The following CACNA2D1 variants were observed in gnomAD, a reference collection of about 807,000 sequenced individuals.
CACNA2D1 encodes the protein voltage-dependent calcium channel subunit alpha-2/delta-1.
Under a neutral mutation model 171.5 loss-of-function variants are expected in CACNA2D1, and 53 were observed. The ratio of observed to expected loss-of-function variants is 0.31; its 90% CI spans 0.25 to 0.39. CACNA2D1 has a LOEUF of 0.39. Ranked by LOEUF, CACNA2D1 falls within the 10% of genes least tolerant of loss-of-function variation. CACNA2D1 has a pLI of 1.00. For synonymous variants in CACNA2D1, 442 were observed against 443.1 expected (o/e 1.00, Z 0.03); for missense variants, 903 against 1,299.8 (o/e 0.69, Z 4.69).
At chr7:82,343,575 TA>T (rs1818921924) in intron 2 of CACNA2D1, among the ~76,000 whole-genome samples, 1 of 152,206 alleles carries the variant, frequency 6.6e-6, no homozygotes, top group African/African-American at 2.4e-5. Flanking sequence ...AGTTCATGTT[TA>T]AGAATACTTA....
chr7:82,257,228 C>T (rs1381740213), intron 3 of CACNA2D1, among the ~76,000 whole-genome samples: 1 of 152,184 alleles, frequency 6.6e-6, no homozygotes, highest in Non-Finnish European at 1.5e-5. Context: ...TTACATAAGG[C>T]ATTTCAGCTG....
chr7:81,974,107 G>A (rs544997452), intron 25 of CACNA2D1, among the ~76,000 whole-genome samples: 24 of 151,938 alleles, frequency 1.6e-4, no homozygotes, highest in Admixed American at 8.5e-4. Context: ...TTATAAAAAT[G>A]TACGTTTTCC....
chr7:82,186,219 A>AGGGAG (rs1797728652), intron 3 of CACNA2D1, among the ~76,000 whole-genome samples: 13 of 75,016 alleles, frequency 1.7e-4, no homozygotes, highest in Admixed American at 2.9e-4. Flanking sequence ...GAGGGAGGGA[A>AGGGAG]AGAGAGAGAG....
At chr7:82,192,216 A>C (rs1798368648) in intron 3 of CACNA2D1, among the ~76,000 whole-genome samples, 2 of 151,706 alleles carry the variant, frequency 1.3e-5, no homozygotes, top group African/African-American at 4.8e-5. Flanking sequence ...TTTCATATTC[A>C]GTAAGATTCC....
At chr7:82,078,843 A>G (rs1281907042) in intron 7 of CACNA2D1, among the ~76,000 whole-genome samples, 2 of 152,178 alleles carry the variant, frequency 1.3e-5, no homozygotes, top group Admixed American at 6.5e-5. Flanking sequence ...AGAACTCCTC[A>G]TAGTCTACCT....
At chr7:81,976,128 T>C (rs1203696159) in intron 24 of CACNA2D1, among the ~76,000 whole-genome samples, 2 of 152,110 alleles carry the variant, frequency 1.3e-5, no homozygotes, top group East Asian at 1.9e-4. Flanking sequence ...TTAAAAGACA[T>C]GCACTCAAGG....
intron 24 of CACNA2D1, among the ~76,000 whole-genome samples, chr7:81,982,061 T>C (rs1796494978): frequency 1.3e-5 from 2 of 152,202 alleles, no homozygotes; most frequent in South Asian, 4.1e-4. Context: ...GCACTGTTTG[T>C]TCTACAAGAG....
intron 4 of CACNA2D1, among the ~76,000 whole-genome samples, chr7:82,145,346 T>A (rs1221482835): frequency 6.9e-6 from 1 of 144,910 alleles, no homozygotes; most frequent in Non-Finnish European, 1.5e-5. Flanking sequence ...TAATATATAA[T>A]TTATATATTA....
At position 82,072,635 on chromosome 7, in the gene CACNA2D1, G is replaced by T. The variant is rs191812974; in HGVS notation, c.659-6111C>A. Among the ~76,000 whole-genome samples the T allele has an allele frequency of 1.5e-3, 222 of 151,560 alleles. 1 individual carries two copies. The highest frequency in any genetic ancestry group is 5.2e-3 in the African/African-American group (214 of 41,348). On this transcript the variant is annotated intron_variant, in intron 7 of 38. Coordinates refer to ENST00000356860, the MANE Select transcript of CACNA2D1 (RefSeq NM_000722.4). ...CAAGACAGGAAAGCAAGCATTCCAGGTGAGTAAATATTAATATGAAGAGTC... is the reference window on the plus strand; with the variant it reads ...CAAGACAGGAAAGCAAGCATTCCAGTTGAGTAAATATTAATATGAAGAGTC...
intron 1 of CACNA2D1, 59 bp downstream of exon 1, chr7:82,443,306 C>T (rs1830651330): frequency 3.3e-6 from 5 of 1,527,494 alleles, no homozygotes; most frequent in African/African-American, 1.4e-5. Flanking sequence ...AACCGACCCC[C>T]ACCCCCAACT....
intron 8 of CACNA2D1, among the ~76,000 whole-genome samples, chr7:82,064,579 T>G (rs888510471): frequency 5.3e-5 from 8 of 152,170 alleles, no homozygotes; most frequent in African/African-American, 1.7e-4. Context: ...ATTTAACATT[T>G]TTTGATATTT....
At chr7:82,183,555 T>C (rs1797359701) in intron 3 of CACNA2D1, among the ~76,000 whole-genome samples, 1 of 152,184 alleles carries the variant, frequency 6.6e-6, no homozygotes, top group African/African-American at 2.4e-5. Flanking sequence ...AAAATTTCTC[T>C]GAACTTCTGG....
chr7:82,245,594 C>T (rs1299194901), intron 3 of CACNA2D1, among the ~76,000 whole-genome samples: 1 of 151,694 alleles, frequency 6.6e-6, no homozygotes, highest in Non-Finnish European at 1.5e-5. Context: ...CGTAAATATT[C>T]AGTAATCTAA....
intron 3 of CACNA2D1, among the ~76,000 whole-genome samples, chr7:82,195,475 T>C (rs1381421104): frequency 6.6e-6 from 1 of 151,924 alleles, no homozygotes; most frequent in Non-Finnish European, 1.5e-5. Context: ...GGTAGTTAAA[T>C]AGGAAACAAA....
chr7:82,247,115 G>A (rs896493651), intron 3 of CACNA2D1, among the ~76,000 whole-genome samples: 1 of 152,014 alleles, frequency 6.6e-6, no homozygotes, highest in African/African-American at 2.4e-5. Context: ...ATTATGAAGT[G>A]GGGAAATACA....
intron 3 of CACNA2D1, among the ~76,000 whole-genome samples, chr7:82,258,024 A>G (rs1236734106): frequency 2.0e-5 from 3 of 152,172 alleles, no homozygotes; most frequent in Non-Finnish European, 4.4e-5. Context: ...GATGGGAGGC[A>G]AATGCTTCTG....
chr7:82,357,842 C>T (rs1282898532), intron 1 of CACNA2D1, among the ~76,000 whole-genome samples: 2 of 149,968 alleles, frequency 1.3e-5, no homozygotes, highest in African/African-American at 2.5e-5. Flanking sequence ...GCACATGTAC[C>T]CTAAAACTTA....
chr7:82,328,083 G>A (rs1187030093), intron 3 of CACNA2D1, among the ~76,000 whole-genome samples: 1 of 151,998 alleles, frequency 6.6e-6, no homozygotes, highest in Non-Finnish European at 1.5e-5. Flanking sequence ...CCTGTCACTG[G>A]GTAAACATGT....
intron 1 of CACNA2D1, among the ~76,000 whole-genome samples, chr7:82,390,222 AAC>A (rs763480395): frequency 4.6e-5 from 7 of 152,290 alleles, no homozygotes; most frequent in Non-Finnish European, 5.9e-5. Context: ...ACCTTCCTCT[AAC>A]AGAAAGTGGA....
Sources: allele counts gnomAD v4.1 joint callset (sites outside exome capture counted in the v4.1 genomes callset), GRCh38; gene constraint gnomAD v4.1.1; transcripts MANE v1.5; gene names NCBI Gene and HGNC (gene_info 2026-07-23, HGNC 2026-07-21).